NRG2: variants seen among roughly 807,000 people sequenced by gnomAD.
NRG2 encodes the protein pro-neuregulin-2, membrane-bound isoform.
NRG2 carries 27 observed loss-of-function variants against 73.9 expected under a neutral mutation model. The ratio of observed to expected loss-of-function variants is 0.37; its 90% CI spans 0.27 to 0.50. The LOEUF is 0.50. Ranked by LOEUF, NRG2 falls within the 20% of genes least tolerant of loss-of-function variation. The pLI is 0.96. For synonymous variants in NRG2, 532 were observed against 541.0 expected, an observed-to-expected ratio of 0.98 and a Z score of 0.23; for missense variants, 1,126 against 1,210.1, an observed-to-expected ratio of 0.93 and a Z score of 1.03.
In NRG2 at chr5:139,868,180, C is replaced by G. The variant is rs561823081; in HGVS notation, c.1113-2555G>C. Among the ~76,000 whole-genome samples the G allele has an allele frequency of 6.6e-6, 1 of 152,244 alleles. No individual in the cohort carries two copies. The highest frequency in any genetic ancestry group is 2.4e-5 in the African/African-American group (1 of 41,530). ...CTACTGCTGTTCTTTGGGGTGCTAG[C>G]TCCTTCAGGGACCTCCTGGACACTC... On this transcript the variant is annotated intron_variant, in intron 4 of 9. Transcript: ENST00000361474. This position sits in a 1 kb window ranked among gnomAD's most constrained non-coding sequence, Gnocchi z 4.2.
chr5:139,863,504 G>T (rs2127043417), intron 5 of NRG2, among the ~76,000 whole-genome samples: 1 of 152,370 alleles, frequency 6.6e-6, no homozygotes, highest in East Asian at 1.9e-4. Flanking sequence ...AGCCCAGCTG[G>T]CAGAGAGGCC....
At chr5:139,965,448 C>T (rs1755428374) in intron 1 of NRG2, among the ~76,000 whole-genome samples, 1 of 152,248 alleles carries the variant, frequency 6.6e-6, no homozygotes, top group African/African-American at 2.4e-5. Flanking sequence ...CCAGGCCAAA[C>T]AGCAGAGCGA....
At chr5:140,032,990 G>A (rs985992803) in intron 1 of NRG2, among the ~76,000 whole-genome samples, 4 of 152,148 alleles carry the variant, frequency 2.6e-5, no homozygotes, top group Non-Finnish European at 5.9e-5. Context: ...AGCAGTCTTT[G>A]TCCTACAAAC....
intron 1 of NRG2, among the ~76,000 whole-genome samples, chr5:140,033,778 C>T (rs1289295008): frequency 6.6e-6 from 1 of 152,192 alleles, no homozygotes; most frequent in African/African-American, 2.4e-5. Flanking sequence ...TCTTCCTGCT[C>T]ACATTGGTTA....
chr5:140,041,980 G>A (rs572372267), intron 1 of NRG2, among the ~76,000 whole-genome samples: 1 of 152,056 alleles, frequency 6.6e-6, no homozygotes, highest in Non-Finnish European at 1.5e-5. Context: ...GCCCGCGGCA[G>A]CAGGGCAGGC....
chr5:139,973,592 G>A (rs1268676676), intron 1 of NRG2, among the ~76,000 whole-genome samples: 1 of 152,146 alleles, frequency 6.6e-6, no homozygotes, highest in African/African-American at 2.4e-5. Flanking sequence ...AAACTCCTGA[G>A]CTCAAACAAT....
chr5:139,903,799 C>T (rs571572317), intron 1 of NRG2, among the ~76,000 whole-genome samples: 18 of 152,336 alleles, frequency 1.2e-4, no homozygotes, highest in African/African-American at 3.6e-4. Context: ...TCCGAGTCTC[C>T]GGAGTTGGCG....
intron 2 of NRG2, among the ~76,000 whole-genome samples, chr5:139,885,292 C>T (rs1763791932): frequency 6.6e-6 from 1 of 152,172 alleles, no homozygotes; most frequent in Non-Finnish European, 1.5e-5. Flanking sequence ...AGACAGTGTC[C>T]AGACTCACAG....
chr5:140,034,718 T>C (rs1761384043), intron 1 of NRG2, among the ~76,000 whole-genome samples: 1 of 151,354 alleles, frequency 6.6e-6, no homozygotes, highest in Non-Finnish European at 1.5e-5. Context: ...AACTGAAAAA[T>C]GAAATTAAAT....
intron 9 of NRG2, 34 bp from the exon 10 acceptor site, chr5:139,848,731 AGGCCG>A: frequency 1.0e-6 from 1 of 992,614 alleles, no homozygotes; most frequent in Non-Finnish European, 1.2e-6. Context: ...GGCCAGGGCC[AGGCCG>A]GGCCGGCGCG....
intron 1 of NRG2, among the ~76,000 whole-genome samples, chr5:139,908,148 C>T (rs573279165): frequency 6.6e-6 from 1 of 152,368 alleles, no homozygotes; most frequent in Admixed American, 6.5e-5. Flanking sequence ...TACTCTGAGA[C>T]TAGACTGCTT....
intron 1 of NRG2, among the ~76,000 whole-genome samples, chr5:139,983,089 C>T (rs545551946): frequency 6.6e-6 from 1 of 152,338 alleles, no homozygotes; most frequent in East Asian, 1.9e-4. Flanking sequence ...AAGTGTTGCA[C>T]ATTCCTGTGG....
intron 1 of NRG2, among the ~76,000 whole-genome samples, chr5:139,988,484 T>A (rs1223703494): frequency 6.6e-6 from 1 of 151,862 alleles, no homozygotes; most frequent in Non-Finnish European, 1.5e-5. Context: ...TATCAAGCCA[T>A]GAAAAGATCT....
intron 1 of NRG2, among the ~76,000 whole-genome samples, chr5:139,953,935 C>T (rs10040846): frequency 6.6e-6 from 1 of 152,162 alleles, no homozygotes; most frequent in African/African-American, 2.4e-5. Context: ...TTTACAGGCC[C>T]TCATGAAACC....
chr5:139,938,892 GAA>G (rs1281086900), intron 1 of NRG2, among the ~76,000 whole-genome samples: 3 of 73,670 alleles, frequency 4.1e-5, no homozygotes, highest in African/African-American at 1.4e-4. Flanking sequence ...AGGAAAGAAA[GAA>G]AGAAAGAAAG....
intron 1 of NRG2, among the ~76,000 whole-genome samples, chr5:139,987,367 C>CAAAAAA (rs34895532): frequency 3.0e-5 from 1 of 33,236 alleles, no homozygotes; most frequent in Non-Finnish European, 5.7e-5. Flanking sequence ...GACTCTGTCT[C>CAAAAAA]AAAAAAAAAA....
At chr5:139,912,687 G>T (rs563706891) in intron 1 of NRG2, among the ~76,000 whole-genome samples, 1 of 152,278 alleles carries the variant, frequency 6.6e-6, no homozygotes. Context: ...CACTGGAACT[G>T]CAAATACCAT....
intron 1 of NRG2, among the ~76,000 whole-genome samples, chr5:139,984,802 G>A (rs926784483): frequency 3.9e-5 from 6 of 152,184 alleles, no homozygotes; most frequent in Non-Finnish European, 8.8e-5. Flanking sequence ...TAGGATCAAC[G>A]TAAGAATCAG....
intron 1 of NRG2, among the ~76,000 whole-genome samples, chr5:139,968,990 A>G (rs1755782987): frequency 6.6e-6 from 1 of 152,218 alleles, no homozygotes; most frequent in South Asian, 2.1e-4. Context: ...ATGCCCCGCC[A>G]CCTGGTGGAA....
Sources: allele counts gnomAD v4.1 joint callset (sites outside exome capture counted in the v4.1 genomes callset), GRCh38; gene constraint gnomAD v4.1.1; non-coding constraint Gnocchi (gnomAD v3.1); transcripts MANE v1.5; gene names NCBI Gene and HGNC (gene_info 2026-07-23, HGNC 2026-07-21).